The following ZNF641 variants were observed in gnomAD, a reference collection of about 807,000 sequenced individuals.
ZNF641 encodes the protein zinc finger protein 641.
ZNF641 carries 26 observed loss-of-function variants against 46.2 expected under a neutral mutation model. That is an observed-to-expected ratio of 0.56 (90% CI 0.41 to 0.78). The LOEUF (loss-of-function observed/expected upper bound fraction) is 0.78. Among genes scored for constraint, ZNF641 ranks in the 30% least tolerant of loss-of-function variants. The pLI is 0.00. For missense variants in ZNF641, 469 were observed against 517.8 expected, an observed-to-expected ratio of 0.91 and a Z score of 0.91; for synonymous variants, 163 against 187.9, an observed-to-expected ratio of 0.87 and a Z score of 1.09.
At chr12:48,345,035 T>C (rs1204206445) in intron 4 of ZNF641, among the ~76,000 whole-genome samples, 1 of 152,188 alleles carries the variant, frequency 6.6e-6, no homozygotes, top group East Asian at 1.9e-4. Context: ...TTCCTCTACA[T>C]GGTTCCCAAG....
chr12:48,340,193 G>A lies in ZNF641; in HGVS notation c.*2780C>T. On this transcript the variant is annotated 3_prime_UTR_variant, in exon 6 of 6. Transcript: ENST00000547026. The stretch of plus-strand genomic sequence containing the variant: ...GTGTTGGACCGAGGTAGAGAAGACA[G>A]TGGTACACCAGAAATAACCCAAAGG... 1.0e-6 allele frequency: 1 copy of A among 985,452 alleles called. No individual in the cohort carries two copies. Among genetic ancestry groups the A allele is most frequent in the Non-Finnish European group, 1.2e-6 (1 of 829,946 alleles). The allele number at this position is 985,452 out of a possible 1,614,324, so 61.0% of individuals were successfully genotyped here. A position where few individuals can be genotyped will look rare whatever the true frequency, so the allele number is the denominator to read the frequency against.
Position 48,347,980 on chromosome 12 carries a change from C to A in ZNF641, c.111G>T (p.Trp37Cys), listed in dbSNP as rs1182193976. 1 of 1,614,136 alleles carries A rather than the reference C, an allele frequency of 6.2e-7. No individual in the cohort carries two copies. The highest frequency in any genetic ancestry group is 8.5e-7 in the Non-Finnish European group (1 of 1,180,026). Residue 37 changes from tryptophan to cysteine, a missense_variant, in exon 2 of 6, where the codon TGG (tryptophan) becomes TGT (cysteine). Physicochemically the swap from Trp to Cys is radical, Grantham distance 215. Coordinates refer to ENST00000547026, the MANE Select transcript of ZNF641 (RefSeq NM_001172681.2). ...VERGSQEERP[W>C]RTVPGPLEHL... ...GCTCCAGAGGTCCTGGTACTGTTCT[C>A]CATGGCCGCTCTTCCTGGCTTCCCC...
downstream of ZNF641, among the ~76,000 whole-genome samples, chr12:48,335,376 T>G (rs1952597010): frequency 6.6e-6 from 1 of 152,220 alleles, no homozygotes; most frequent in African/African-American, 2.4e-5. Context: ...ATTAGCCTTT[T>G]TCCTCTAAGG....
At position 48,343,435 on chromosome 12, in the gene ZNF641, T is replaced by G. The variant is rs1207199332; in HGVS notation, c.813A>C (p.Thr271=). The G allele has an allele frequency of 6.2e-7, 1 of 1,614,000 alleles. No homozygotes were observed. The highest frequency in any genetic ancestry group is 8.5e-7 in the Non-Finnish European group (1 of 1,179,970). ...WGSHLARHQQ[T]HTGERPYSCL... ...AGCTGTAGGGTCTCTCCCCAGTGTGTGTTTGTTGATGCCTGGCAAGGTGGG... is the reference window on the plus strand; with the variant it reads ...AGCTGTAGGGTCTCTCCCCAGTGTGGGTTTGTTGATGCCTGGCAAGGTGGG... The change falls in exon 6 of 6, where the codon ACA becomes ACC. Residue 271 remains threonine, a synonymous_variant. Coordinates refer to ENST00000547026, the MANE Select transcript of ZNF641 (RefSeq NM_001172681.2).
In ZNF641 at chr12:48,350,908, G is replaced by A. The variant is rs1308247793; in HGVS notation, c.-148C>T. On this transcript the variant is annotated 5_prime_UTR_variant, in exon 1 of 6. Transcript: ENST00000547026. ...GGAGCCAGCGACAGGCGGAGACGGC[G>A]GCCCGGCAGGCGCGGGCGGGGCGGG... 3.1e-6 allele frequency: 3 copies of A among 973,912 alleles called. No homozygotes were observed. Among genetic ancestry groups the A allele is most frequent in the Admixed American group, 6.2e-5 (1 of 16,258 alleles). The allele number at this position is 973,912 out of a possible 1,614,324, so 60.3% of individuals were successfully genotyped here.
chr12:48,350,903 A>T lies in ZNF641; in HGVS notation c.-143T>A. ...CCGGCGGAGCCAGCGACAGGCGGAG[A>T]CGGCGGCCCGGCAGGCGCGGGCGGG... On this transcript the variant is annotated 5_prime_UTR_variant, in exon 1 of 6. Transcript: ENST00000547026. 1.0e-6 allele frequency: 1 copy of T among 981,226 alleles called. No individual in the cohort carries two copies. Among genetic ancestry groups the T allele is most frequent in the Non-Finnish European group, 1.2e-6 (1 of 826,522 alleles). The allele number at this position is 981,226 out of a possible 1,614,324, so 60.8% of individuals were successfully genotyped here.
In ZNF641 at chr12:48,348,117, T is replaced by C. The variant is rs2136188276; in HGVS notation, c.-25-2A>G. On this transcript the variant is annotated splice_acceptor_variant, in intron 1 of 5. Coordinates refer to ENST00000547026, the MANE Select transcript of ZNF641 (RefSeq NM_001172681.2). LOFTEE classifies it low-confidence loss of function (5UTR_SPLICE). Reference sequence around the variant, plus strand: ...TCTGCTGCAGACCCAAATTGTGACCTGGAACAAATTCATATCAGCAATGCC... The same window carrying C: ...TCTGCTGCAGACCCAAATTGTGACCCGGAACAAATTCATATCAGCAATGCC... The C allele has an allele frequency of 6.2e-7, 1 of 1,613,952 alleles. No individual in the cohort carries two copies.
chr12:48,337,654 A>G lies in ZNF641; in HGVS notation c.*5319T>C, dbSNP rs1952626751. ...GCTAACACCGTGAAACCCCGTCTCTACTAAAAAAAATACAAAAAAAAAAAA... is the reference window on the plus strand; with the variant it reads ...GCTAACACCGTGAAACCCCGTCTCTGCTAAAAAAAATACAAAAAAAAAAAA... On this transcript the variant is annotated 3_prime_UTR_variant, in exon 6 of 6. Coordinates refer to ENST00000547026, the MANE Select transcript of ZNF641 (RefSeq NM_001172681.2). 7.7e-6 allele frequency: 1 copy of G among 129,972 alleles called. No individual in the cohort carries two copies. Among genetic ancestry groups the G allele is most frequent in the East Asian group, 2.0e-4 (1 of 4,998 alleles). The allele number at this position is 129,972 out of a possible 1,614,324, so 8.1% of individuals were successfully genotyped here.
chr12:48,347,787 T>C, intron 2 of ZNF641, 120 bp downstream of exon 2: 2 of 926,860 alleles, frequency 2.2e-6, no homozygotes, highest in Non-Finnish European at 3.2e-6. Flanking sequence ...AAGAATGGGC[T>C]GGTCCTGGTA....
At chr12:48,347,800 G>C in intron 2 of ZNF641, 107 bp downstream of exon 2, 1 of 1,082,094 alleles carries the variant, frequency 9.2e-7, no homozygotes, top group Non-Finnish European at 1.3e-6. Flanking sequence ...TCCTGGTACA[G>C]GTTATGCTAT....
rs1952736624 is a variant in ZNF641, at chr12:48,342,239, A to G, written c.*734T>C. The G allele has an allele frequency of 1.0e-6, 1 of 985,378 alleles. No individual in the cohort carries two copies. Among genetic ancestry groups the G allele is most frequent in the Non-Finnish European group, 1.2e-6 (1 of 830,016 alleles). 61.0% of individuals were successfully genotyped at this position (985,378 alleles called of 1,614,324 possible). A position where few individuals can be genotyped will look rare whatever the true frequency, so the allele number is the denominator to read the frequency against. On this transcript the variant is annotated 3_prime_UTR_variant, in exon 6 of 6. Transcript: ENST00000547026. ...GTGCAGGATGAAGGGAGTAGGAATA[A>G]TGGGTAAAAAGGTTATTTTTTCAGC... is the stretch of plus-strand genomic sequence containing the variant.
In ZNF641 at chr12:48,342,984, A is replaced by G; in HGVS notation, c.1264T>C (p.Ser422Pro). Residue 422 changes from serine (S) to proline (P), a missense_variant, in exon 6 of 6, where the codon TCT (serine) becomes CCT (proline). Coordinates refer to ENST00000547026, the MANE Select transcript of ZNF641 (RefSeq NM_001172681.2). ...AGTGGAAACAGATTTCAAAAGACAGATGTTCCTCTGTCCCAGCTGTTCCGG... is the reference window on the plus strand; with the variant it reads ...AGTGGAAACAGATTTCAAAAGACAGGTGTTCCTCTGTCCCAGCTGTTCCGG... ...SPRNSWDRGT[S>P]VF The G allele has an allele frequency of 6.2e-7, 1 of 1,611,404 alleles. No individual in the cohort carries two copies.
At chr12:48,345,855 T>A (rs1592145800) in intron 3 of ZNF641, among the ~76,000 whole-genome samples, 1 of 152,124 alleles carries the variant, frequency 6.6e-6, no homozygotes, top group Non-Finnish European at 1.5e-5. Flanking sequence ...CTGCCTTTTC[T>A]ATCAGCACAA....
At chr12:48,334,733 C>T (rs1177743770), downstream of ZNF641, among the ~76,000 whole-genome samples, 3 of 152,122 alleles carry the variant, frequency 2.0e-5, no homozygotes, top group Non-Finnish European at 4.4e-5. Flanking sequence ...GTATTACCCC[C>T]TTTATAGTCT....
Position 48,348,053 on chromosome 12 carries a change from C to T in ZNF641, c.38G>A (p.Trp13Ter). Residue 13 changes from tryptophan (W) to a stop codon, truncating the protein, a stop_gained, in exon 2 of 6, where the codon TGG becomes TAG. Transcript: ENST00000547026. LOFTEE classifies it high-confidence loss of function. ...ATCCAGCTGTACATTCATTGATTCC[C>T]ATCCTGTCCCCAGCGCTGCTGTCTG... ...SEQTAALGTG[W>*]ESMNVQLDGA... 4 of 1,614,214 alleles carry T rather than the reference C, an allele frequency of 2.5e-6. No individual in the cohort carries two copies. Among genetic ancestry groups the T allele is most frequent in the Non-Finnish European group, 2.5e-6 (3 of 1,180,038 alleles).
chr12:48,350,378 G>T (rs756464996), intron 1 of ZNF641: 124 of 472,506 alleles, frequency 2.6e-4, no homozygotes, highest in Middle Eastern at 6.1e-4. Context: ...GCCTGCTCAG[G>T]GGTAAGGTTG....
At position 48,341,859 on chromosome 12, in the gene ZNF641, G is replaced by A; in HGVS notation, c.*1114C>T. On this transcript the variant is annotated 3_prime_UTR_variant, in exon 6 of 6. Transcript: ENST00000547026. ...ATTGTCTTAATCTCAGCAGTACTGG[G>A]AAAGCTTTGTACTCAACTTAACCTG... The A allele has an allele frequency of 3.0e-6, 3 of 985,430 alleles. No individual in the cohort carries two copies. Among genetic ancestry groups the A allele is most frequent in the Non-Finnish European group, 3.6e-6 (3 of 829,940 alleles). 61.0% of individuals were successfully genotyped at this position (985,430 alleles called of 1,614,324 possible). A position where few individuals can be genotyped will look rare whatever the true frequency, so the allele number is the denominator to read the frequency against.
chr12:48,343,548 A>C lies in ZNF641; in HGVS notation c.700T>G (p.Phe234Val), dbSNP rs374519192. 6.8e-6 allele frequency: 11 copies of C among 1,606,240 alleles called. No individual in the cohort carries two copies. The highest frequency in any genetic ancestry group is 9.4e-6 in the Non-Finnish European group (11 of 1,174,758). Residue 234 changes from phenylalanine to valine, a missense_variant, in exon 6 of 6, where the codon TTC becomes GTC. Coordinates refer to ENST00000547026, the MANE Select transcript of ZNF641 (RefSeq NM_001172681.2). ...LGPPFLQEDS[F>V]SNLLCSTEMD... ...TCTGTGCTACACAGCAGGTTTGAGA[A>C]ACTATCTTCCTGAAGAAAAGGGGGC...
rs572990235 is a variant in ZNF641 at position 48,350,201 on chromosome 12, A to G, written c.-26+585T>C. ...TTTCATTTCCCCCTTTTCTTCACACATATGGGTAGCAAGGGACCTGCAAAA... is the reference window on the plus strand; with the variant it reads ...TTTCATTTCCCCCTTTTCTTCACACGTATGGGTAGCAAGGGACCTGCAAAA... On this transcript the variant is annotated intron_variant, in intron 1 of 5. Coordinates refer to ENST00000547026, the MANE Select transcript of ZNF641 (RefSeq NM_001172681.2). 199 of 1,528,054 alleles carry G rather than the reference A, an allele frequency of 1.3e-4. 4 individuals are homozygous for G. In the South Asian group the frequency reaches 2.3e-3, roughly 18 times the overall value. The allele number at this position is 1,528,054 out of a possible 1,614,324, so 94.7% of individuals were successfully genotyped here. A position where few individuals can be genotyped will look rare whatever the true frequency, so the allele number is the denominator to read the frequency against.
Sources: allele counts gnomAD v4.1 joint callset (sites outside exome capture counted in the v4.1 genomes callset), GRCh38; gene constraint gnomAD v4.1.1; transcripts MANE v1.5; gene names NCBI Gene and HGNC (gene_info 2026-07-23, HGNC 2026-07-21).